LGSN: variants seen among roughly 807,000 people sequenced by gnomAD.
The protein encoded by LGSN is lengsin.
Under a neutral mutation model 19.5 loss-of-function variants are expected in LGSN, and 21 were observed. The ratio of observed to expected loss-of-function variants is 1.07; its 90% confidence interval spans 0.76 to 1.55. LGSN has a LOEUF of 1.55. LGSN is among the 40% of genes most tolerant of loss of function. The pLI is 0.00. For missense variants in LGSN, 673 were observed against 608.5 expected, an observed-to-expected ratio of 1.11 and a Z score of -1.12; for synonymous variants, 257 against 215.6, an observed-to-expected ratio of 1.19 and a Z score of -1.68.
the LGSN span, among the ~76,000 whole-genome samples, chr6:63,432,184 A>AAAGGGAAAG: frequency 1.9e-4 from 5 of 26,616 alleles, no homozygotes; most frequent in African/African-American, 6.0e-4. Flanking sequence ...GGAAAGAAAG[A>AAAGGGAAAG]AAAGAAAAGA....
chr6:63,485,975 C>G, the LGSN span, among the ~76,000 whole-genome samples: 1 of 152,138 alleles, frequency 6.6e-6, no homozygotes, highest in South Asian at 2.1e-4. Context: ...GGTGATCCAC[C>G]TGTTTCAGCC....
chr6:63,342,974 C>A, the LGSN span, among the ~76,000 whole-genome samples: 1 of 152,226 alleles, frequency 6.6e-6, no homozygotes, highest in East Asian at 1.9e-4. Flanking sequence ...AAAGTTTTTC[C>A]TTGTTGGATC....
the LGSN span, among the ~76,000 whole-genome samples, chr6:63,540,167 G>A: frequency 6.6e-6 from 1 of 152,194 alleles, no homozygotes; most frequent in Admixed American, 6.5e-5. Flanking sequence ...AATCTGGTGT[G>A]CATGGTTGGA....
At chr6:63,462,230 G>T in the LGSN span, among the ~76,000 whole-genome samples, 1 of 152,236 alleles carries the variant, frequency 6.6e-6, no homozygotes, top group South Asian at 2.1e-4. Flanking sequence ...CTTTCCCAGT[G>T]GACTGTGAAA....
rs1330256404 is a variant in LGSN at position 63,276,138 on chromosome 6, T to C, written c.*3883A>G. 1 of 152,244 alleles carries C rather than the reference T, an allele frequency of 6.6e-6. No homozygotes were observed. The highest frequency in any genetic ancestry group is 1.5e-5 in the Non-Finnish European group (1 of 68,044). 9.4% of individuals were successfully genotyped at this position (152,244 alleles called of 1,614,324 possible). On this transcript the variant is annotated 3_prime_UTR_variant, in exon 4 of 4. Coordinates refer to ENST00000370657, the MANE Select transcript of LGSN (RefSeq NM_016571.3). Reference sequence around the variant, plus strand: ...AGAAAACCCAAGGTTAAAGGTATTGTCCAGTCATACCTATATCATAAACAT... The same window carrying C: ...AGAAAACCCAAGGTTAAAGGTATTGCCCAGTCATACCTATATCATAAACAT...
the LGSN span, among the ~76,000 whole-genome samples, chr6:63,470,135 G>C: frequency 2.0e-5 from 3 of 152,062 alleles, no homozygotes; most frequent in Non-Finnish European, 2.9e-5. Context: ...GAAAAAGAGA[G>C]AAAGGAAGGA....
the LGSN span, among the ~76,000 whole-genome samples, chr6:63,326,015 T>A: frequency 1.3e-5 from 2 of 152,128 alleles, no homozygotes; most frequent in African/African-American, 4.8e-5. Context: ...CACTGATTGG[T>A]GGGTTTACAA....
chr6:63,280,691 G>C lies in LGSN; in HGVS notation c.860C>G (p.Thr287Arg). The change falls in exon 4 of 4, where the codon ACA (threonine) becomes AGA (arginine). Residue 287 changes from threonine to arginine, a missense_variant. By Grantham distance (71) the Thr-to-Arg change is moderately conservative (BLOSUM62 -1). Coordinates refer to ENST00000370657, the MANE Select transcript of LGSN (RefSeq NM_016571.3). ...SSADNAFTLRTGVKEVARKYN... is the reference protein window; with the variant it reads ...SSADNAFTLRRGVKEVARKYN... ...TTTCCTTGCCACTTCTTTGACACCT[G>C]TTCTGAGGGTAAATGCATTATCAGC... 1 of 1,614,076 alleles carries C rather than the reference G, an allele frequency of 6.2e-7. No homozygotes were observed. Among genetic ancestry groups the C allele is most frequent in the Non-Finnish European group, 8.5e-7 (1 of 1,180,012 alleles).
the LGSN span, among the ~76,000 whole-genome samples, chr6:63,348,340 G>C: frequency 6.6e-6 from 1 of 152,208 alleles, no homozygotes; most frequent in Non-Finnish European, 1.5e-5. Flanking sequence ...TGTAATCCCA[G>C]CTACTCGGGA....
the LGSN span, among the ~76,000 whole-genome samples, chr6:63,379,076 G>A: frequency 1.8e-4 from 27 of 152,238 alleles, 1 homozygote; most frequent in South Asian, 5.4e-3. Context: ...AAATGATGCT[G>A]TTAACAAATA....
the LGSN span, among the ~76,000 whole-genome samples, chr6:63,528,265 A>G: frequency 6.6e-6 from 1 of 151,652 alleles, no homozygotes; most frequent in African/African-American, 2.4e-5. Flanking sequence ...TGACTTGAGC[A>G]CACATAGTAT....
chr6:63,366,893 A>G, the LGSN span, among the ~76,000 whole-genome samples: 2 of 150,746 alleles, frequency 1.3e-5, no homozygotes, highest in African/African-American at 5.0e-5. Flanking sequence ...CCATATGTAG[A>G]AAGCTGAAAC....
chr6:63,373,532 AAAT>A, the LGSN span, among the ~76,000 whole-genome samples: 1 of 152,338 alleles, frequency 6.6e-6, no homozygotes, highest in South Asian at 2.1e-4. Flanking sequence ...TACGTTTACA[AAAT>A]AACTGGCCTG....
chr6:63,426,321 T>C, the LGSN span, among the ~76,000 whole-genome samples: 3 of 152,192 alleles, frequency 2.0e-5, no homozygotes, highest in African/African-American at 7.2e-5. Context: ...TGGGAGTTGC[T>C]AAACTCCATA....
At chr6:63,515,923 A>G in the LGSN span, among the ~76,000 whole-genome samples, 1 of 152,248 alleles carries the variant, frequency 6.6e-6, no homozygotes, top group Non-Finnish European at 1.5e-5. Flanking sequence ...ATACTTTCCA[A>G]ATAACTTAGA....
the LGSN span, among the ~76,000 whole-genome samples, chr6:63,360,906 T>A: frequency 6.6e-6 from 1 of 152,188 alleles, no homozygotes; most frequent in African/African-American, 2.4e-5. Context: ...TCTGTTGGAG[T>A]TTGCCAGAGG....
the LGSN span, among the ~76,000 whole-genome samples, chr6:63,387,302 G>C: frequency 6.6e-6 from 1 of 152,032 alleles, no homozygotes; most frequent in Admixed American, 6.5e-5. Context: ...TTCAGGAAAA[G>C]AAAAATGCAT....
At chr6:63,351,735 G>A in the LGSN span, among the ~76,000 whole-genome samples, 449 of 152,238 alleles carry the variant, frequency 2.9e-3, 3 homozygotes, top group African/African-American at 0.01. Flanking sequence ...TAAGATTACA[G>A]ATATGAGCCT....
At chr6:63,372,792 AC>A in the LGSN span, among the ~76,000 whole-genome samples, 1 of 152,210 alleles carries the variant, frequency 6.6e-6, no homozygotes, top group East Asian at 1.9e-4. Flanking sequence ...AAAGAAAAAA[AC>A]AAACCATGAC....
Sources: gnomAD v4.1 joint callset for allele counts (sites outside exome capture counted in the v4.1 genomes callset) on GRCh38, gnomAD v4.1.1 for gene constraint, MANE v1.5 for transcripts, NCBI Gene and HGNC (gene_info 2026-07-23, HGNC 2026-07-21) for gene names.